Variants in ERBIN observed in about 807,000 individuals in gnomAD.
ERBIN encodes the protein densin-180-like protein.
ERBIN carries 60 observed loss-of-function variants against 158.4 expected under a neutral mutation model. That is an observed-to-expected ratio of 0.38 (90% confidence interval 0.31 to 0.47). The LOEUF is 0.47. ERBIN is among the 20% of genes least tolerant of loss of function. The pLI, the probability that ERBIN is intolerant of heterozygous loss-of-function variation, is 0.99. For missense variants in ERBIN, 1,610 were observed against 1,648.0 expected, an observed-to-expected ratio of 0.98 and a Z score of 0.40; for synonymous variants, 594 against 557.2, an observed-to-expected ratio of 1.07 and a Z score of -0.93.
chr5:66,023,234 A>C, intron 8 of ERBIN, 56 bp from the exon 9 acceptor site: 7 of 1,280,870 alleles, frequency 5.5e-6, no homozygotes, highest in Non-Finnish European at 6.8e-6. Context: ...TTGCCAGATA[A>C]AGACATTCAT....
At chr5:66,016,027 A>G (rs1754676306) in intron 7 of ERBIN, among the ~76,000 whole-genome samples, 1 of 152,280 alleles carries the variant, frequency 6.6e-6, no homozygotes, top group South Asian at 2.1e-4. Flanking sequence ...ACCTGCATGT[A>G]TGTGCATGTG....
chr5:66,003,873 G>A (rs1464779523), intron 4 of ERBIN, among the ~76,000 whole-genome samples: 2 of 144,740 alleles, frequency 1.4e-5, no homozygotes, highest in Non-Finnish European at 3.0e-5. Context: ...GAAGACATTT[G>A]TGTTTTGTGA....
Position 65,950,679 on chromosome 5 carries a change from G to C in ERBIN, c.-58+23873G>C, listed in dbSNP as rs777603698. On this transcript the variant is annotated intron_variant, in intron 1 of 25. Transcript: ENST00000284037. ...TAAGCTCTGCCTTCTTGAGAGAGAA[G>C]TACCAAATAATTTGCAGGCATGTTT... is the stretch of plus-strand genomic sequence containing the variant. Among the ~76,000 whole-genome samples the C allele has an allele frequency of 2.6e-5, 4 of 152,174 alleles. No homozygotes were observed. In the East Asian group the frequency reaches 7.7e-4, roughly 29 times the overall value.
chr5:66,049,507 C>T (rs1195846303), intron 19 of ERBIN, among the ~76,000 whole-genome samples: 2 of 151,964 alleles, frequency 1.3e-5, no homozygotes, highest in Non-Finnish European at 2.9e-5. Flanking sequence ...GTGTTATTAT[C>T]TAATTGTCAC....
At position 66,068,913 on chromosome 5, in the gene ERBIN, A is replaced by G. The variant is rs552177854; in HGVS notation, c.3634-3256A>G. 617 of 1,535,674 alleles carry G rather than the reference A, an allele frequency of 4.0e-4. No homozygotes were observed. Among genetic ancestry groups the G allele is most frequent in the South Asian group, 9.4e-4 (79 of 83,958 alleles). ...AAGGTCCTTTAATTCCAATTTTACT[A>G]CTGTAAGCAGTTTTCACTGTGGCAG... is the stretch of plus-strand genomic sequence containing the variant. On this transcript the variant is annotated intron_variant, in intron 21 of 25. Transcript: ENST00000284037.
intron 2 of ERBIN, among the ~76,000 whole-genome samples, chr5:65,991,274 G>A (rs867499268): frequency 2.4e-4 from 36 of 152,054 alleles, no homozygotes; most frequent in Admixed American, 6.5e-5. Context: ...TCAGTAATCT[G>A]TATTTTTAAA....
intron 4 of ERBIN, among the ~76,000 whole-genome samples, chr5:66,001,207 A>G (rs1432445086): frequency 6.6e-6 from 1 of 152,138 alleles, no homozygotes; most frequent in East Asian, 1.9e-4. Context: ...AATATAAGCT[A>G]TTACTGTTTC....
At position 66,046,600 on chromosome 5, in the gene ERBIN, G is replaced by A. The variant is rs572263831; in HGVS notation, c.1788+62G>A. 1.3e-4 allele frequency: 164 copies of A among 1,297,218 alleles called. No individual in the cohort carries two copies. The African/African-American group carries it at 2.2e-3, about 17-fold the overall frequency. 80.4% of individuals were successfully genotyped at this position (1,297,218 alleles called of 1,614,324 possible). On this transcript the variant is annotated intron_variant, in intron 18 of 25. Coordinates refer to ENST00000284037, the MANE Select transcript of ERBIN (RefSeq NM_001253697.2). Reference sequence around the variant, plus strand: ...ACTTTCAATTTAATATTTTATTGTTGCTAAATAAAGACCTGATACTGATTG... The same window carrying A: ...ACTTTCAATTTAATATTTTATTGTTACTAAATAAAGACCTGATACTGATTG...
At chr5:66,046,801 T>A (rs188361350) in intron 18 of ERBIN, among the ~76,000 whole-genome samples, 1 of 152,274 alleles carries the variant, frequency 6.6e-6, no homozygotes, top group Admixed American at 6.5e-5. Context: ...TTTCTGTAAC[T>A]TAAAAATGAA....
intron 15 of ERBIN, among the ~76,000 whole-genome samples, chr5:66,038,851 A>G (rs984091507): frequency 1.3e-5 from 2 of 152,124 alleles, no homozygotes; most frequent in Non-Finnish European, 2.9e-5. Flanking sequence ...ACACTGGATC[A>G]GGATAATCTG....
intron 1 of ERBIN, among the ~76,000 whole-genome samples, chr5:65,930,543 C>T (rs1161864700): frequency 6.6e-6 from 1 of 152,082 alleles, no homozygotes; most frequent in Non-Finnish European, 1.5e-5. Context: ...CTCCTGACCT[C>T]GTGATCTGCC....
At chr5:66,051,011 A>C in intron 20 of ERBIN, 45 bp downstream of exon 20, 2 of 1,288,860 alleles carry the variant, frequency 1.6e-6, no homozygotes, top group Non-Finnish European at 2.2e-6. Flanking sequence ...CAATAAATAG[A>C]AGTAGTAAGG....
At chr5:65,942,812 C>T (rs889555326) in intron 1 of ERBIN, among the ~76,000 whole-genome samples, 1 of 151,794 alleles carries the variant, frequency 6.6e-6, no homozygotes, top group African/African-American at 2.4e-5. Context: ...GTAATTCCGC[C>T]TACTCGGGAG....
At chr5:65,992,236 A>G (rs1016627330) in intron 2 of ERBIN, among the ~76,000 whole-genome samples, 1 of 151,562 alleles carries the variant, frequency 6.6e-6, no homozygotes, top group African/African-American at 2.4e-5. Flanking sequence ...TGCAAGCTCC[A>G]CCTCCCGGGT....
intron 21 of ERBIN, among the ~76,000 whole-genome samples, chr5:66,068,068 C>G: frequency 6.6e-6 from 1 of 152,002 alleles, no homozygotes; most frequent in East Asian, 1.9e-4. Context: ...TGGCTCATAC[C>G]TGTAATCCCA....
Position 65,990,978 on chromosome 5 carries a change from A to T in ERBIN, c.-9-1732A>T, listed in dbSNP as rs573457201. Among the ~76,000 whole-genome samples, 492 of 151,890 alleles carry T rather than the reference A, an allele frequency of 3.2e-3. 14 individuals carry two copies. Among genetic ancestry groups the T allele is most frequent in the Non-Finnish European group, 4.1e-3 (281 of 67,942 alleles). Reference sequence around the variant, plus strand: ...ACCATGTTGGCCAGGCTGGTTTCGAACTCCTGACCTCTGGTGATCTGCCTG... The same window carrying T: ...ACCATGTTGGCCAGGCTGGTTTCGATCTCCTGACCTCTGGTGATCTGCCTG... On this transcript the variant is annotated intron_variant, in intron 2 of 25. Coordinates refer to ENST00000284037, the MANE Select transcript of ERBIN (RefSeq NM_001253697.2).
chr5:66,073,945 C>T (rs575571149), intron 22 of ERBIN, among the ~76,000 whole-genome samples: 2 of 151,934 alleles, frequency 1.3e-5, no homozygotes, highest in South Asian at 2.1e-4. Context: ...GTGGCATGCT[C>T]ATAGCTCACT....
At chr5:66,071,114 G>A (rs1761488649) in intron 21 of ERBIN, among the ~76,000 whole-genome samples, 1 of 152,116 alleles carries the variant, frequency 6.6e-6, no homozygotes, top group Non-Finnish European at 1.5e-5. Flanking sequence ...AGCACTTTGG[G>A]AGGCCGAGGC....
intron 1 of ERBIN, chr5:65,961,365 A>G (rs760473710): frequency 2.6e-5 from 4 of 152,180 alleles, no homozygotes; most frequent in African/African-American, 4.8e-5. Flanking sequence ...GTTTATTTAT[A>G]TCGTTTTCCC....
Sources: gnomAD v4.1 joint callset for allele counts (sites outside exome capture counted in the v4.1 genomes callset) on GRCh38, gnomAD v4.1.1 for gene constraint, MANE v1.5 for transcripts, NCBI Gene and HGNC (gene_info 2026-07-23, HGNC 2026-07-21) for gene names.